PTGIS: variants seen among roughly 807,000 people sequenced by gnomAD.
PTGIS encodes the protein prostacyclin synthase.
In PTGIS, 45 loss-of-function variants were observed where a neutral mutation model predicts 50.3. The ratio of observed to expected loss-of-function variants is 0.90; its 90% CI spans 0.70 to 1.15. PTGIS has a LOEUF of 1.15. PTGIS is among the 50% of genes most tolerant of loss of function. PTGIS has a pLI of 0.00. For missense variants in PTGIS, 668 were observed against 661.3 expected, an observed-to-expected ratio of 1.01 and a Z score of -0.11; for synonymous variants, 260 against 267.7, an observed-to-expected ratio of 0.97 and a Z score of 0.28.
At position 49,514,410 on chromosome 20, in the gene PTGIS, G is replaced by A. The variant is rs1384524861; in HGVS notation, c.856-15C>T. Reference sequence around the variant, plus strand: ...CCCATATTCCCCTGCAAGGAGAAGGGCCCCTGTTATGCCATTATGAGGGCA... The same window carrying A: ...CCCATATTCCCCTGCAAGGAGAAGGACCCCTGTTATGCCATTATGAGGGCA... On this transcript the variant is annotated splice_polypyrimidine_tract_variant and intron_variant, in intron 6 of 9. Transcript: ENST00000244043. 9.3e-6 allele frequency: 15 copies of A among 1,612,356 alleles called. No individual in the cohort carries two copies. The highest frequency in any genetic ancestry group is 1.3e-5 in the Non-Finnish European group (15 of 1,179,826).
intron 4 of PTGIS, 68 bp from the exon 5 acceptor site, chr20:49,539,789 A>G: frequency 6.5e-7 from 1 of 1,550,202 alleles, no homozygotes; most frequent in Non-Finnish European, 8.7e-7. Context: ...GCTACTCACA[A>G]GAGCTTCATT....
chr20:49,539,782 A>G, intron 4 of PTGIS, 61 bp from the exon 5 acceptor site: 1 of 1,564,196 alleles, frequency 6.4e-7, no homozygotes. Context: ...GGCCACAGCT[A>G]CTCACAAGAG....
chr20:49,528,438 C>A (rs1981846826), intron 5 of PTGIS, among the ~76,000 whole-genome samples: 2 of 152,104 alleles, frequency 1.3e-5, no homozygotes, highest in South Asian at 4.2e-4. Context: ...ATGGTGAAAC[C>A]CCATCTCTAA....
chr20:49,508,012 C>T lies in PTGIS; in HGVS notation c.1411G>A (p.Val471Met), dbSNP rs764095163. 2.2e-5 allele frequency: 35 copies of T among 1,613,918 alleles called. No individual in the cohort carries two copies. Among genetic ancestry groups the T allele is most frequent in the South Asian group, 3.3e-5 (3 of 91,090 alleles). ...HLDLELINAD[V>M]EIPEFDLSRY... ...CTGAGGTCAAACTCAGGGATCTCCA[C>T]ATCTGCGTTGATCAGCTCCAAGTCC... The change falls in exon 10 of 10, where the codon GTG (valine) becomes ATG (methionine). Residue 471 changes from valine (V) to methionine (M), a missense_variant. Physicochemically the swap from Val to Met is conservative, Grantham distance 21 (BLOSUM62 1). Transcript: ENST00000244043.
intron 1 of PTGIS, among the ~76,000 whole-genome samples, chr20:49,559,435 C>T (rs1047823753): frequency 1.3e-5 from 2 of 152,204 alleles, no homozygotes; most frequent in Non-Finnish European, 2.9e-5. Context: ...TGTGAACTCA[C>T]TCTAAATTAT....
chr20:49,549,130 C>A (rs1244325301), intron 2 of PTGIS, among the ~76,000 whole-genome samples: 1 of 151,994 alleles, frequency 6.6e-6, no homozygotes, highest in Non-Finnish European at 1.5e-5. Context: ...CAGAAAGATG[C>A]GTAGATAAAC....
At chr20:49,550,284 G>A in intron 1 of PTGIS, 95 bp from the exon 2 acceptor site, 1 of 1,523,820 alleles carries the variant, frequency 6.6e-7, no homozygotes, top group Non-Finnish European at 9.0e-7. Flanking sequence ...GAGCAGTCGG[G>A]GAGGTAATCT....
At chr20:49,549,966 G>A in intron 2 of PTGIS, 100 bp downstream of exon 2, 1 of 1,582,298 alleles carries the variant, frequency 6.3e-7, no homozygotes, top group Non-Finnish European at 8.7e-7. Context: ...GGTGGGGTGG[G>A]GGGGTTGGCA....
intron 3 of PTGIS, among the ~76,000 whole-genome samples, chr20:49,544,907 C>G (rs1982318709): frequency 6.6e-6 from 1 of 152,228 alleles, no homozygotes; most frequent in African/African-American, 2.4e-5. Context: ...CAACTCATCT[C>G]TCCCTGAAAT....
chr20:49,536,886 AAC>A (rs1982090775), intron 5 of PTGIS, among the ~76,000 whole-genome samples: 1 of 152,106 alleles, frequency 6.6e-6, no homozygotes. Context: ...GCACAGAGAA[AAC>A]ACACAGATGC....
At position 49,506,412 on chromosome 20, in the gene PTGIS, C is replaced by G. The variant is rs183057445; in HGVS notation, c.*1508G>C. 5.9e-5 allele frequency: 9 copies of G among 152,290 alleles called. No homozygotes were observed. The highest frequency in any genetic ancestry group is 1.2e-4 in the Non-Finnish European group (8 of 68,032). The allele number at this position is 152,290 out of a possible 1,614,324, so 9.4% of individuals were successfully genotyped here. The stretch of plus-strand genomic sequence containing the variant: ...TTATTTATTGAGACAGAGTCTTGCT[C>G]TGTCGCCCAGGCTGGAGTGCCGTGG... On this transcript the variant is annotated 3_prime_UTR_variant, in exon 10 of 10. Coordinates refer to ENST00000244043, the MANE Select transcript of PTGIS (RefSeq NM_000961.4).
intron 2 of PTGIS, among the ~76,000 whole-genome samples, chr20:49,549,189 T>C (rs1380268525): frequency 6.6e-6 from 1 of 152,166 alleles, no homozygotes; most frequent in Non-Finnish European, 1.5e-5. Context: ...TCAGTATCCA[T>C]GGAGGATTGG....
intron 9 of PTGIS, among the ~76,000 whole-genome samples, chr20:49,510,597 G>C (rs1006341729): frequency 6.6e-6 from 1 of 152,118 alleles, no homozygotes; most frequent in African/African-American, 2.4e-5. Flanking sequence ...AAAGCTCCTG[G>C]GGTTCAAGGG....
chr20:49,565,900 C>T lies in PTGIS; in HGVS notation c.74+2143G>A, dbSNP rs1227403179. On this transcript the variant is annotated intron_variant, in intron 1 of 9. Coordinates refer to ENST00000244043, the MANE Select transcript of PTGIS (RefSeq NM_000961.4). ...CATTCCCACACTTCTCCCCACTACC[C>T]ACTGTTGACCCTTCCAAGGTGCCCA... 4.6e-5 allele frequency among the ~76,000 whole-genome samples: 7 copies of T among 152,196 alleles called. No homozygotes were observed. In the East Asian group the frequency reaches 1.2e-3, roughly 25 times the overall value.
At position 49,513,117 on chromosome 20, in the gene PTGIS, C is replaced by T. The variant is rs1452916889; in HGVS notation, c.1169G>A (p.Ser390Asn). 6.2e-7 allele frequency: 1 copy of T among 1,609,290 alleles called. No individual in the cohort carries two copies. The highest frequency in any genetic ancestry group is 2.2e-5 in the East Asian group (1 of 44,664). ...GDRLLLFPFL[S>N]PQRDPEIYTD... ...GTAGATTTCTGGGTCTCTCTGGGGG[C>T]TCAGGAAGGGGAAGAGGAGGAGGCG... The change falls in exon 8 of 10, where the codon AGC (serine) becomes AAC (asparagine). Residue 390 changes from serine (S) to asparagine (N), a missense_variant. By Grantham distance (46) the Ser-to-Asn change is conservative. Transcript: ENST00000244043.
intron 6 of PTGIS, among the ~76,000 whole-genome samples, chr20:49,518,910 C>T (rs527758976): frequency 6.6e-6 from 1 of 152,292 alleles, no homozygotes; most frequent in East Asian, 1.9e-4. Context: ...TCCCCTACCT[C>T]TCAGGACCAC....
chr20:49,510,650 C>T (rs1981290276), intron 9 of PTGIS, among the ~76,000 whole-genome samples: 1 of 152,088 alleles, frequency 6.6e-6, no homozygotes, highest in Non-Finnish European at 1.5e-5. Flanking sequence ...ATTAAAATAA[C>T]CAAGTGGGAA....
chr20:49,560,495 G>A (rs1278408650), intron 1 of PTGIS, among the ~76,000 whole-genome samples: 1 of 152,176 alleles, frequency 6.6e-6, no homozygotes, highest in Admixed American at 6.5e-5. Flanking sequence ...GAGCCACTAT[G>A]CCCAGCCCAA....
intron 5 of PTGIS, among the ~76,000 whole-genome samples, chr20:49,534,247 T>C (rs1014286413): frequency 1.3e-5 from 2 of 152,218 alleles, no homozygotes; most frequent in Admixed American, 1.3e-4. Flanking sequence ...GTAGGATAAA[T>C]TCCTAGAAGT....
Sources: gnomAD v4.1 joint callset for allele counts (sites outside exome capture counted in the v4.1 genomes callset) on GRCh38, gnomAD v4.1.1 for gene constraint, MANE v1.5 for transcripts, NCBI Gene and HGNC (gene_info 2026-07-23, HGNC 2026-07-21) for gene names.